Variants in GNL3L observed in about 807,000 individuals in gnomAD.
The protein encoded by GNL3L is guanine nucleotide-binding protein-like 3-like protein.
Under a neutral mutation model 42.9 loss-of-function variants are expected in GNL3L, and 4 were observed. That is an observed-to-expected ratio of 0.09 (90% CI 0.05 to 0.21). The LOEUF is 0.21. GNL3L is among the 10% of genes least tolerant of loss of function. GNL3L has a pLI of 1.00. For synonymous variants in GNL3L, 159 were observed against 176.3 expected, an observed-to-expected ratio of 0.90 and a Z score of 0.78; for missense variants, 412 against 481.7, an observed-to-expected ratio of 0.86 and a Z score of 1.36.
At position 54,564,427 on chromosome X, in the gene GNL3L, CAG is replaced by C. The variant is rs1246239189; in HGVS notation, c.*3828_*3829del. ...CTTTTTTTTTTTTTTTTTTTTGAGA[CAG>C]AGTCTAGCTCTGTTGTCCAGGCTGG... On this transcript the variant is annotated 3_prime_UTR_variant, in exon 16 of 16. Coordinates refer to ENST00000360845, the MANE Select transcript of GNL3L (RefSeq NM_001184819.2). Among the ~76,000 whole-genome samples the C allele has an allele frequency of 1.3e-5, 1 of 79,390 alleles. No homozygotes were observed. The highest frequency in any genetic ancestry group is 5.7e-5 in the African/African-American group (1 of 17,627). The allele number at this position is 79,390 out of a possible 115,157, so 68.9% of individuals were successfully genotyped here. A position where few individuals can be genotyped will look rare whatever the true frequency, so the allele number is the denominator to read the frequency against.
rs1051519529 is a variant in GNL3L at position 54,561,240 on chromosome X, TAGAC to T, written c.*641_*644del. Reference sequence around the variant, plus strand: ...CAAAACTCTGCCTACAAAACTCTCTTAGACAGGTGAATATGCCACTAGAAGTTAG... The same window carrying T: ...CAAAACTCTGCCTACAAAACTCTCTTAGGTGAATATGCCACTAGAAGTTAG... On this transcript the variant is annotated 3_prime_UTR_variant, in exon 16 of 16. Transcript: ENST00000360845. Among the ~76,000 whole-genome samples, 10 of 111,678 alleles carry T rather than the reference TAGAC, an allele frequency of 9.0e-5. No homozygotes were observed. The highest frequency in any genetic ancestry group is 3.8e-4 in the Admixed American group (4 of 10,495).
the GNL3L span, among the ~76,000 whole-genome samples, chrX:54,638,319 G>A: frequency 1.8e-5 from 2 of 111,557 alleles, no homozygotes; most frequent in Non-Finnish European, 1.9e-5. Flanking sequence ...GAGAATTGCT[G>A]TAGAAAATGA....
intron 2 of GNL3L, among the ~76,000 whole-genome samples, chrX:54,533,147 G>A (rs1331220795): frequency 2.7e-5 from 3 of 110,871 alleles, no homozygotes; most frequent in Admixed American, 1.9e-4. Context: ...GGTGAATTGC[G>A]ATAAAAACAT....
intron 16 of GNL3L, among the ~76,000 whole-genome samples, chrX:54,588,891 A>G (rs750089455): frequency 8.9e-6 from 1 of 112,527 alleles, no homozygotes; most frequent in Non-Finnish European, 1.9e-5. Flanking sequence ...TTTTTATTCA[A>G]TTCAATTTTT....
chrX:54,550,667 G>T (rs1003540873), intron 9 of GNL3L, among the ~76,000 whole-genome samples: 1 of 111,832 alleles, frequency 8.9e-6, no homozygotes, highest in African/African-American at 3.3e-5. Flanking sequence ...CTGTTGGATT[G>T]TGCCACTGAG....
chrX:54,580,465 T>C (rs1466600055), intron 16 of GNL3L, among the ~76,000 whole-genome samples: 1 of 110,940 alleles, frequency 9.0e-6, no homozygotes, highest in Non-Finnish European at 1.9e-5. Flanking sequence ...AACATACGTG[T>C]GCATGTGTCT....
intron 14 of GNL3L, among the ~76,000 whole-genome samples, chrX:54,557,169 G>A (rs1413083823): frequency 2.8e-5 from 3 of 106,870 alleles, no homozygotes; most frequent in African/African-American, 6.8e-5. Context: ...GCAACAGAGC[G>A]AAACTCCATC....
At chrX:54,552,501 T>C in intron 13 of GNL3L, 73 bp downstream of exon 13, 1 of 997,830 alleles carries the variant, frequency 1.0e-6, no homozygotes, top group Non-Finnish European at 1.4e-6. Context: ...CAAATCCCAC[T>C]TTTGACCTCC....
At chrX:54,638,019 A>T in the GNL3L span, among the ~76,000 whole-genome samples, 8 of 112,196 alleles carry the variant, frequency 7.1e-5, no homozygotes, top group Admixed American at 7.5e-4. Context: ...AAGATAAATT[A>T]AAAAGTTCGT....
the GNL3L span, among the ~76,000 whole-genome samples, chrX:54,638,154 T>C: frequency 3.0e-3 from 336 of 111,725 alleles, 2 homozygotes; most frequent in African/African-American, 0.01. Flanking sequence ...TTTGAAATAT[T>C]GTTTGGGCTG....
chrX:54,568,122 C>T (rs1385321864), downstream of GNL3L, among the ~76,000 whole-genome samples: 2 of 109,890 alleles, frequency 1.8e-5, no homozygotes, highest in South Asian at 3.9e-4. Context: ...GTGCGTGCCA[C>T]CACGCCCGGC....
intron 7 of GNL3L, 113 bp from the exon 8 acceptor site, chrX:54,544,098 GCCAGTTGAGAGA>G (rs1303518455): frequency 6.3e-5 from 29 of 459,170 alleles, no homozygotes; most frequent in Non-Finnish European, 1.1e-4. Context: ...GAATGACAGG[GCCAGTTGAGAGA>G]CCTGTTGATG....
downstream of GNL3L, among the ~76,000 whole-genome samples, chrX:54,622,273 A>ATTTTT (rs773487259): frequency 4.1e-4 from 24 of 58,999 alleles, 4 homozygotes; most frequent in African/African-American, 2.3e-3. Flanking sequence ...AGTTGCAGGA[A>ATTTTT]TTTTTTTTTT....
intron 1 of GNL3L, among the ~76,000 whole-genome samples, chrX:54,531,259 T>G (rs777358426): frequency 1.8e-4 from 16 of 90,748 alleles, no homozygotes; most frequent in Admixed American, 4.9e-4. Flanking sequence ...TCCCCCTACC[T>G]CCCCCAAAGA....
intron 16 of GNL3L, among the ~76,000 whole-genome samples, chrX:54,572,879 G>C (rs1383260320): frequency 9.5e-6 from 1 of 105,116 alleles, no homozygotes; most frequent in Non-Finnish European, 2.0e-5. Flanking sequence ...GGTCGCAGCC[G>C]GGCAGAGGCG....
Position 54,560,503 on chromosome X carries a change from T to C in GNL3L, c.1667-17T>C. On this transcript the variant is annotated splice_polypyrimidine_tract_variant and intron_variant, in intron 15 of 15. Transcript: ENST00000360845. ...AAGCCAGCCACCAAAAGATTGCCTG[T>C]ATTTCTCCATTTGCAGATAAAATCG... The C allele has an allele frequency of 2.8e-6, 3 of 1,064,891 alleles. No homozygotes were observed. Among genetic ancestry groups the C allele is most frequent in the Non-Finnish European group, 3.9e-6 (3 of 762,065 alleles). 87.8% of individuals were successfully genotyped at this position (1,064,891 alleles called of 1,213,427 possible).
At chrX:54,574,105 C>G (rs1365610151) in intron 16 of GNL3L, among the ~76,000 whole-genome samples, 1 of 111,583 alleles carries the variant, frequency 9.0e-6, no homozygotes, top group African/African-American at 3.3e-5. Flanking sequence ...GGTTTTACAT[C>G]TTCCTTTACA....
At chrX:54,547,474 G>T (rs1191350939) in intron 8 of GNL3L, among the ~76,000 whole-genome samples, 1 of 110,918 alleles carries the variant, frequency 9.0e-6, no homozygotes, top group Non-Finnish European at 1.9e-5. Flanking sequence ...GGAGGCCAAG[G>T]TGGGCAGATT....
At chrX:54,557,422 G>A (rs749552688) in intron 14 of GNL3L, among the ~76,000 whole-genome samples, 9 of 105,313 alleles carry the variant, frequency 8.5e-5, no homozygotes, top group African/African-American at 1.4e-4. Context: ...GCCACCATGC[G>A]CAGCTAATTT....
Sources: allele counts gnomAD v4.1 joint callset (sites outside exome capture counted in the v4.1 genomes callset), GRCh38; gene constraint gnomAD v4.1.1; transcripts MANE v1.5; gene names NCBI Gene and HGNC (gene_info 2026-07-23, HGNC 2026-07-21).